The following AFG1L variants were observed in gnomAD, a reference collection of about 807,000 sequenced individuals.
AFG1L encodes the protein AFG1 like ATPase.
A neutral mutation model predicts 62.2 loss-of-function variants in AFG1L; 53 were observed. The observed-to-expected ratio is 0.85, with a 90% confidence interval of 0.68 to 1.07. The LOEUF (loss-of-function observed/expected upper bound fraction) is 1.07. Among genes scored for constraint, AFG1L ranks in the 50% least tolerant of loss-of-function variants. AFG1L has a pLI of 0.00. For missense variants in AFG1L, 555 were observed against 590.5 expected, an observed-to-expected ratio of 0.94 and a Z score of 0.62; for synonymous variants, 228 against 210.3, an observed-to-expected ratio of 1.08 and a Z score of -0.73.
intron 8 of AFG1L, among the ~76,000 whole-genome samples, chr6:108,450,898 C>T (rs1320556158): frequency 6.7e-6 from 1 of 149,304 alleles, no homozygotes; most frequent in Non-Finnish European, 1.5e-5. Context: ...CGTAGATATG[C>T]GGCATTATTT....
intron 3 of AFG1L, 148 bp downstream of exon 3, chr6:108,347,187 A>G: frequency 1.5e-6 from 1 of 668,624 alleles, no homozygotes; most frequent in Non-Finnish European, 2.6e-6. Context: ...GAAAAGGGAG[A>G]GAGGGCAGTT....
At position 108,522,280 on chromosome 6, in the gene AFG1L, C is replaced by A. The variant is rs778083477; in HGVS notation, c.1318-17C>A. On this transcript the variant is annotated splice_polypyrimidine_tract_variant and intron_variant, in intron 12 of 12. Coordinates refer to ENST00000368977, the MANE Select transcript of AFG1L (RefSeq NM_145315.5). ...ATTTGTGATAGCTTTATTTTAATTT[C>A]TTTGTTTTATAACCAGGATTCAGCA... 15 of 1,607,026 alleles carry A rather than the reference C, an allele frequency of 9.3e-6. No homozygotes were observed. The Admixed American group carries it at 2.3e-4, about 25-fold the overall frequency.
rs565623266 is a variant in AFG1L, at chr6:108,516,562, A to G, written c.1204-3135A>G. Among the ~76,000 whole-genome samples, 19 of 152,286 alleles carry G rather than the reference A, an allele frequency of 1.2e-4. No individual in the cohort carries two copies. The East Asian group carries it at 2.3e-3, about 19-fold the overall frequency. ...CCAATATCATACTGAATGGGCAAAA[A>G]CTGGAAGCATTCCCTTCGAAAACTG... On this transcript the variant is annotated intron_variant, in intron 11 of 12. Transcript: ENST00000368977.
At position 108,523,970 on chromosome 6, in the gene AFG1L, AAT is replaced by A. The variant is rs1266125982; in HGVS notation, c.*1547_*1548del. 6.6e-6 allele frequency: 1 copy of A among 152,212 alleles called. No individual in the cohort carries two copies. Among genetic ancestry groups the A allele is most frequent in the East Asian group, 1.9e-4 (1 of 5,198 alleles). The allele number at this position is 152,212 out of a possible 1,614,324, so 9.4% of individuals were successfully genotyped here. ...TATTTACATTAGCTCAGTTAAAAAAAATAGTCTTAGAAAGTGAATATTATAAC... is the reference window on the plus strand; with the variant it reads ...TATTTACATTAGCTCAGTTAAAAAAAAGTCTTAGAAAGTGAATATTATAAC... On this transcript the variant is annotated 3_prime_UTR_variant, in exon 13 of 13. Coordinates refer to ENST00000368977, the MANE Select transcript of AFG1L (RefSeq NM_145315.5).
At chr6:108,413,140 T>G (rs150194473) in intron 7 of AFG1L, among the ~76,000 whole-genome samples, 241 of 152,220 alleles carry the variant, frequency 1.6e-3, no homozygotes, top group African/African-American at 4.8e-3. Flanking sequence ...AAACAGACTT[T>G]AAACCAACAA....
intron 10 of AFG1L, among the ~76,000 whole-genome samples, chr6:108,504,697 AG>A (rs1392281218): frequency 8.5e-5 from 13 of 152,256 alleles, no homozygotes; most frequent in Non-Finnish European, 1.5e-5. Context: ...ACAAAACAAA[AG>A]TATCTTCAGA....
chr6:108,378,407 C>T (rs995200489), intron 6 of AFG1L, among the ~76,000 whole-genome samples: 5 of 152,138 alleles, frequency 3.3e-5, no homozygotes, highest in African/African-American at 9.7e-5. Flanking sequence ...GCAACCTCCA[C>T]CTCCCAGGTT....
At chr6:108,361,152 G>A (rs1381535144) in intron 5 of AFG1L, among the ~76,000 whole-genome samples, 1 of 152,236 alleles carries the variant, frequency 6.6e-6, no homozygotes, top group African/African-American at 2.4e-5. Context: ...CAGGAAACTT[G>A]TTTATACTGG....
intron 2 of AFG1L, among the ~76,000 whole-genome samples, chr6:108,326,680 C>T (rs1387801544): frequency 6.6e-6 from 1 of 152,102 alleles, no homozygotes; most frequent in Non-Finnish European, 1.5e-5. Context: ...GAATGAGGGG[C>T]CAGACGCAGT....
chr6:108,415,260 C>T (rs1382243805), intron 7 of AFG1L, among the ~76,000 whole-genome samples: 3 of 152,030 alleles, frequency 2.0e-5, no homozygotes, highest in Non-Finnish European at 4.4e-5. Flanking sequence ...CACTGCTCAA[C>T]TAAATAAAAG....
At chr6:108,320,951 G>A (rs1405752260) in intron 1 of AFG1L, among the ~76,000 whole-genome samples, 1 of 152,194 alleles carries the variant, frequency 6.6e-6, no homozygotes, top group African/African-American at 2.4e-5. Flanking sequence ...TCACTTGGTT[G>A]ACTCCAGAAG....
At chr6:108,301,701 AATT>A (rs1389486115) in intron 1 of AFG1L, among the ~76,000 whole-genome samples, 2 of 152,200 alleles carry the variant, frequency 1.3e-5, no homozygotes, top group Non-Finnish European at 2.9e-5. Context: ...AAATAAATAA[AATT>A]ATCCCAAGTA....
chr6:108,524,522 C>T lies in AFG1L; in HGVS notation c.*2097C>T, dbSNP rs1053488033. The T allele has an allele frequency of 6.6e-6, 1 of 152,210 alleles. No individual in the cohort carries two copies. Among genetic ancestry groups the T allele is most frequent in the African/African-American group, 2.4e-5 (1 of 41,460 alleles). 9.4% of individuals were successfully genotyped at this position (152,210 alleles called of 1,614,324 possible). On this transcript the variant is annotated 3_prime_UTR_variant, in exon 13 of 13. Coordinates refer to ENST00000368977, the MANE Select transcript of AFG1L (RefSeq NM_145315.5). The stretch of plus-strand genomic sequence containing the variant: ...CAAACGCATAGAAGCCTATGTAATT[C>T]TCAGTGTAGCTTCCCTATAATGTCA...
intron 10 of AFG1L, among the ~76,000 whole-genome samples, chr6:108,499,936 A>G (rs1481282298): frequency 6.6e-6 from 1 of 151,748 alleles, no homozygotes; most frequent in Non-Finnish European, 1.5e-5. Context: ...AATTTTTCTA[A>G]CCCTTGCCCC....
chr6:108,482,776 A>G (rs1773377093), intron 10 of AFG1L, among the ~76,000 whole-genome samples: 1 of 152,186 alleles, frequency 6.6e-6, no homozygotes, highest in Non-Finnish European at 1.5e-5. Flanking sequence ...TTTGGGGAAT[A>G]GACCACAGAA....
At chr6:108,509,269 T>C (rs942605604) in intron 10 of AFG1L, among the ~76,000 whole-genome samples, 1 of 152,244 alleles carries the variant, frequency 6.6e-6, no homozygotes, top group Non-Finnish European at 1.5e-5. Context: ...TTGAGTCCCA[T>C]ACTCTCCTCG....
intron 8 of AFG1L, among the ~76,000 whole-genome samples, chr6:108,473,759 A>G (rs1772996751): frequency 6.6e-6 from 1 of 151,984 alleles, no homozygotes; most frequent in South Asian, 2.1e-4. Context: ...GGGTTTCACC[A>G]TGTTAGCCAG....
chr6:108,452,481 A>G (rs577778415), intron 8 of AFG1L, among the ~76,000 whole-genome samples: 4 of 152,182 alleles, frequency 2.6e-5, no homozygotes, highest in Admixed American at 6.5e-5. Flanking sequence ...TTCAAACACC[A>G]TATCTTTCCA....
At chr6:108,476,990 C>A in intron 9 of AFG1L, 55 bp downstream of exon 9, 1 of 1,433,194 alleles carries the variant, frequency 7.0e-7, no homozygotes, top group Non-Finnish European at 9.8e-7. Context: ...AATGCCCAAT[C>A]TCCACTGACC....
Sources: allele counts gnomAD v4.1 joint callset (sites outside exome capture counted in the v4.1 genomes callset), GRCh38; gene constraint gnomAD v4.1.1; transcripts MANE v1.5; gene names NCBI Gene and HGNC (gene_info 2026-07-23, HGNC 2026-07-21).